PIP5K1B: variants seen among roughly 807,000 people sequenced by gnomAD.
PIP5K1B encodes the protein phosphatidylinositol-4-phosphate 5-kinase type 1 beta, also known as phosphatidylinositol 4-phosphate 5-kinase type-1 beta.
A neutral mutation model predicts 67.0 loss-of-function variants in PIP5K1B; 42 were observed. The observed-to-expected ratio is 0.63, with a 90% CI of 0.49 to 0.81. The LOEUF (loss-of-function observed/expected upper bound fraction) is 0.81. Among genes scored for constraint, PIP5K1B ranks in the 30% least tolerant of loss-of-function variants. The pLI, the probability that PIP5K1B is intolerant of heterozygous loss-of-function variation, is 0.00. For missense variants in PIP5K1B, 459 were observed against 646.3 expected (o/e 0.71, Z 3.14); for synonymous variants, 214 against 231.4 (o/e 0.92, Z 0.68).
intron 13 of PIP5K1B, among the ~76,000 whole-genome samples, chr9:68,937,052 G>A (rs1827298838): frequency 6.6e-6 from 1 of 152,188 alleles, no homozygotes; most frequent in Admixed American, 6.6e-5. Flanking sequence ...GTTCATCAGA[G>A]ATATTGGCCT....
chr9:68,850,860 T>C (rs1470723890), intron 4 of PIP5K1B, among the ~76,000 whole-genome samples: 2 of 152,218 alleles, frequency 1.3e-5, no homozygotes, highest in Non-Finnish European at 2.9e-5. Context: ...AGAATAGTAT[T>C]AAGGATATTA....
chr9:68,905,373 C>G (rs577414346), intron 8 of PIP5K1B, among the ~76,000 whole-genome samples: 1 of 152,074 alleles, frequency 6.6e-6, no homozygotes, highest in African/African-American at 2.4e-5. Flanking sequence ...TGGATTCTGA[C>G]GTAAGCCAGT....
rs563307552 is a variant in PIP5K1B at position 68,941,530 on chromosome 9, T to C, written c.1502+740T>C. Among the ~76,000 whole-genome samples the C allele has an allele frequency of 3.3e-5, 5 of 152,354 alleles. No individual in the cohort carries two copies. In the East Asian group the frequency reaches 5.8e-4, roughly 18 times the overall value. ...AATTGTATGCTCTCTAGCAACTTTG[T>C]GTGAATTTTTATATAAGCACTGTTT... On this transcript the variant is annotated intron_variant, in intron 14 of 15. Transcript: ENST00000265382.
In PIP5K1B at chr9:68,828,371, G is replaced by A. The variant is rs145154669; in HGVS notation, c.69+5688G>A. 3.5e-3 allele frequency among the ~76,000 whole-genome samples: 536 copies of A among 152,316 alleles called. 1 individual carries two copies. Among genetic ancestry groups the A allele is most frequent in the African/African-American group, 0.012 (490 of 41,576 alleles). ...CTTTTTAGCTGGTTTTCACTGTGAC[G>A]GGCACACGTGCTCACAGCATTCAGA... On this transcript the variant is annotated intron_variant, in intron 4 of 15. Coordinates refer to ENST00000265382, the MANE Select transcript of PIP5K1B (RefSeq NM_003558.4).
At chr9:68,962,395 T>C (rs1187082036) in intron 14 of PIP5K1B, among the ~76,000 whole-genome samples, 1 of 152,210 alleles carries the variant, frequency 6.6e-6, no homozygotes, top group East Asian at 1.9e-4. Context: ...ATAAGACTTA[T>C]GATTAGCTGT....
chr9:68,736,473 G>T (rs889136306), intron 1 of PIP5K1B, among the ~76,000 whole-genome samples: 1 of 152,134 alleles, frequency 6.6e-6, no homozygotes, highest in Non-Finnish European at 1.5e-5. Context: ...TACTGCTGCT[G>T]TAAAAACTTA....
At chr9:68,876,136 T>G (rs1387480622) in intron 5 of PIP5K1B, among the ~76,000 whole-genome samples, 1 of 152,170 alleles carries the variant, frequency 6.6e-6, no homozygotes, top group Non-Finnish European at 1.5e-5. Flanking sequence ...GGAAATCAGG[T>G]TTTAAATTTT....
intron 1 of PIP5K1B, among the ~76,000 whole-genome samples, chr9:68,723,593 G>A (rs1252352479): frequency 6.6e-6 from 1 of 150,820 alleles, no homozygotes; most frequent in African/African-American, 2.4e-5. Context: ...CTGATGATTA[G>A]TGATGTTGAG....
chr9:68,828,139 C>A (rs770951748), intron 4 of PIP5K1B, among the ~76,000 whole-genome samples: 31 of 152,232 alleles, frequency 2.0e-4, no homozygotes, highest in Non-Finnish European at 2.8e-4. Context: ...ACGTGCACTG[C>A]CATTTGCCTT....
chr9:68,797,329 A>G (rs952770433), intron 2 of PIP5K1B, among the ~76,000 whole-genome samples: 1 of 152,238 alleles, frequency 6.6e-6, no homozygotes. Flanking sequence ...GTGGATAGGC[A>G]TTCCCCAGGG....
intron 2 of PIP5K1B, among the ~76,000 whole-genome samples, chr9:68,795,187 T>G (rs1832222136): frequency 6.6e-6 from 1 of 151,988 alleles, no homozygotes; most frequent in Admixed American, 6.6e-5. Flanking sequence ...GTGTGTGTTT[T>G]AATGGTTAAA....
chr9:68,761,153 T>G (rs530652294), intron 2 of PIP5K1B, among the ~76,000 whole-genome samples: 8 of 152,206 alleles, frequency 5.3e-5, no homozygotes, highest in South Asian at 2.1e-4. Flanking sequence ...ATTTGCACAT[T>G]AATTACATGG....
chr9:68,905,215 C>T (rs1363973598), intron 8 of PIP5K1B, among the ~76,000 whole-genome samples: 1 of 152,084 alleles, frequency 6.6e-6, no homozygotes, highest in Non-Finnish European at 1.5e-5. Flanking sequence ...AAGGACCCCT[C>T]TTCTCCTCCC....
intron 14 of PIP5K1B, among the ~76,000 whole-genome samples, chr9:68,981,956 G>A (rs921447089): frequency 1.3e-5 from 2 of 152,190 alleles, no homozygotes; most frequent in Non-Finnish European, 2.9e-5. Context: ...CACAGAGCCC[G>A]GGAAGAGTAC....
intron 14 of PIP5K1B, among the ~76,000 whole-genome samples, chr9:68,955,174 C>T (rs1313886915): frequency 6.6e-6 from 1 of 152,188 alleles, no homozygotes; most frequent in African/African-American, 2.4e-5. Context: ...GCTCATTGTC[C>T]TTGGCATAAG....
At chr9:68,967,696 G>A (rs919360534) in intron 14 of PIP5K1B, among the ~76,000 whole-genome samples, 2 of 152,142 alleles carry the variant, frequency 1.3e-5, no homozygotes, top group Non-Finnish European at 2.9e-5. Context: ...CTTGCTTCTA[G>A]ACAATCTCAG....
chr9:68,826,325 C>T (rs574311203), intron 4 of PIP5K1B, among the ~76,000 whole-genome samples: 11 of 152,306 alleles, frequency 7.2e-5, no homozygotes, highest in East Asian at 1.9e-4. Context: ...ACAGAACCCA[C>T]GCCTTCCTTA....
chr9:68,793,640 G>T (rs1832123998), intron 2 of PIP5K1B, among the ~76,000 whole-genome samples: 1 of 152,118 alleles, frequency 6.6e-6, no homozygotes, highest in Non-Finnish European at 1.5e-5. Flanking sequence ...GGTGGAGTAG[G>T]ATATTTTTTG....
intron 14 of PIP5K1B, among the ~76,000 whole-genome samples, chr9:68,990,109 G>T (rs1830293205): frequency 6.6e-6 from 1 of 152,166 alleles, no homozygotes; most frequent in African/African-American, 2.4e-5. Flanking sequence ...CATTCCTTTG[G>T]CTTTTGGTAT....
Sources: allele counts gnomAD v4.1 joint callset (sites outside exome capture counted in the v4.1 genomes callset), GRCh38; gene constraint gnomAD v4.1.1; transcripts MANE v1.5; gene names NCBI Gene and HGNC (gene_info 2026-07-23, HGNC 2026-07-21).